CPM: variants seen among roughly 807,000 people sequenced by gnomAD.
CPM encodes the protein carboxypeptidase M, also known as renal carboxypeptidase.
A neutral mutation model predicts 46.4 loss-of-function variants in CPM; 35 were observed. The observed-to-expected ratio is 0.75, with a 90% CI of 0.58 to 1.00. The LOEUF (loss-of-function observed/expected upper bound fraction) is 1.00, where lower values mean the gene tolerates loss of function less well. Among genes scored for constraint, CPM ranks in the 50% least tolerant of loss-of-function variants. The pLI is 0.00. For synonymous variants in CPM, 195 were observed against 195.3 expected, an observed-to-expected ratio of 1.00 and a Z score of 0.01; for missense variants, 422 against 530.4, an observed-to-expected ratio of 0.80 and a Z score of 2.01.
rs367571708 is a variant in CPM, at chr12:68,901,349, C to T, written c.161-15460G>A. On this transcript the variant is annotated intron_variant, in intron 2 of 8. Transcript: ENST00000551568. ...TAGGAGCCAGAGAGGTCAGGTTGTTCACCTGAAAGGTGAGGCCACCTGGAG... is the reference window on the plus strand; with the variant it reads ...TAGGAGCCAGAGAGGTCAGGTTGTTTACCTGAAAGGTGAGGCCACCTGGAG... Among the ~76,000 whole-genome samples, 20 of 152,212 alleles carry T rather than the reference C, an allele frequency of 1.3e-4. 1 individual carries two copies. The East Asian group carries it at 1.7e-3, about 13-fold the overall frequency.
chr12:68,919,248 T>C (rs1438165892), intron 2 of CPM, among the ~76,000 whole-genome samples: 1 of 152,186 alleles, frequency 6.6e-6, no homozygotes, highest in Admixed American at 6.5e-5. Context: ...GAAAATACAG[T>C]GACAAGTAGG....
intron 1 of CPM, among the ~76,000 whole-genome samples, chr12:68,945,729 C>G (rs1427952904): frequency 6.6e-6 from 1 of 151,890 alleles, no homozygotes; most frequent in African/African-American, 2.4e-5. Context: ...CAGAACTGAT[C>G]TGAAGCCTTG....
rs7974965 is a variant in CPM at position 68,932,952 on chromosome 12, T to C, written c.-3-112A>G. On this transcript the variant is annotated intron_variant, in intron 1 of 8. Transcript: ENST00000551568. ...AGGGTCTCCCGACACTGACGCTCCC[T>C]GCCTCCTAAGGAGGCAAAAGCTGGA... 0.019 allele frequency: 18,656 copies of C among 981,108 alleles called. 1,274 individuals are homozygous for C. The African/African-American group carries it at 0.19, about 10-fold the overall frequency. The allele number at this position is 981,108 out of a possible 1,614,324, so 60.8% of individuals were successfully genotyped here. A position where few individuals can be genotyped will look rare whatever the true frequency, so the allele number is the denominator to read the frequency against.
intron 2 of CPM, among the ~76,000 whole-genome samples, chr12:68,927,352 T>C (rs1045642641): frequency 3.9e-5 from 6 of 152,032 alleles, no homozygotes; most frequent in African/African-American, 1.4e-4. Flanking sequence ...TTTGGCTGCA[T>C]AAATGTCTTC....
intron 6 of CPM, among the ~76,000 whole-genome samples, chr12:68,868,845 C>T (rs943846478): frequency 6.4e-4 from 98 of 152,142 alleles, no homozygotes; most frequent in Non-Finnish European, 1.0e-3. Flanking sequence ...CAATAATTAG[C>T]TAGATCTAGT....
At chr12:68,881,970 C>T (rs889902430) in intron 3 of CPM, among the ~76,000 whole-genome samples, 2 of 150,528 alleles carry the variant, frequency 1.3e-5, no homozygotes, top group Non-Finnish European at 2.9e-5. Flanking sequence ...GATCCACCCA[C>T]CTCAGCCTCC....
intron 1 of CPM, among the ~76,000 whole-genome samples, chr12:68,948,553 C>T (rs936609266): frequency 2.6e-5 from 4 of 152,062 alleles, no homozygotes; most frequent in Non-Finnish European, 1.5e-5. Flanking sequence ...GGAGGTCCCT[C>T]TACTCCATTT....
chr12:68,901,529 T>A (rs918726056), intron 2 of CPM, among the ~76,000 whole-genome samples: 1 of 152,176 alleles, frequency 6.6e-6, no homozygotes, highest in African/African-American at 2.4e-5. Flanking sequence ...ACCTCTCTAT[T>A]TGGAAAAAAA....
At chr12:68,930,318 G>A (rs1888448280) in intron 2 of CPM, among the ~76,000 whole-genome samples, 1 of 152,212 alleles carries the variant, frequency 6.6e-6, no homozygotes, top group Non-Finnish European at 1.5e-5. Flanking sequence ...CTGACCTCAG[G>A]TGATCCTCCC....
intron 1 of CPM, among the ~76,000 whole-genome samples, chr12:68,960,434 C>T (rs1046448811): frequency 6.6e-5 from 10 of 152,184 alleles, no homozygotes; most frequent in Non-Finnish European, 1.5e-4. Flanking sequence ...GCTCTAGCTT[C>T]CCTTTTAAAT....
intron 2 of CPM, among the ~76,000 whole-genome samples, chr12:68,893,878 T>C (rs1338932848): frequency 1.3e-5 from 2 of 152,230 alleles, no homozygotes; most frequent in South Asian, 2.1e-4. Flanking sequence ...CTGGGAACCA[T>C]GTCCCCTGCA....
intron 1 of CPM, among the ~76,000 whole-genome samples, chr12:68,946,866 A>C (rs533091898): frequency 6.6e-6 from 1 of 152,358 alleles, no homozygotes; most frequent in African/African-American, 2.4e-5. Flanking sequence ...AGTGTATTTT[A>C]CTCAGTTGTT....
chr12:68,963,253 C>T, exon 1 of CPM: 1 of 198,130 alleles, frequency 5.0e-6, no homozygotes, highest in South Asian at 1.1e-4. Context: ...CTCAGAGAGG[C>T]CAAGAAGAAT....
At chr12:68,918,612 T>C (rs201028612) in intron 2 of CPM, among the ~76,000 whole-genome samples, 6 of 151,698 alleles carry the variant, frequency 4.0e-5, no homozygotes, top group Non-Finnish European at 5.9e-5. Flanking sequence ...CAATCCAATC[T>C]AATCCAATCC....
intron 7 of CPM, among the ~76,000 whole-genome samples, chr12:68,862,337 C>T (rs769341841): frequency 1.4e-5 from 2 of 138,656 alleles, no homozygotes; most frequent in East Asian, 1.9e-4. Context: ...CGGGTTCAAG[C>T]GATTCTCCTG....
Position 68,854,389 on chromosome 12 carries a change from C to A in CPM, c.*2048G>T, listed in dbSNP as rs999471198. 4 of 152,200 alleles carry A rather than the reference C, an allele frequency of 2.6e-5. No homozygotes were observed. The highest frequency in any genetic ancestry group is 9.6e-5 in the African/African-American group (4 of 41,452). The allele number at this position is 152,200 out of a possible 1,614,324, so 9.4% of individuals were successfully genotyped here. A position where few individuals can be genotyped will look rare whatever the true frequency, so the allele number is the denominator to read the frequency against. On this transcript the variant is annotated 3_prime_UTR_variant, in exon 9 of 9. Transcript: ENST00000551568. ...TTGGCCTCAAAGAGCTCACATTCTA[C>A]TAGAGAAGGCACACATGGAGAAGAT...
chr12:68,905,875 T>G (rs2136284561), intron 2 of CPM, among the ~76,000 whole-genome samples: 1 of 152,142 alleles, frequency 6.6e-6, no homozygotes, highest in Non-Finnish European at 1.5e-5. Flanking sequence ...GTGTTTAGAG[T>G]AAAGACAGCT....
chr12:68,924,991 A>C (rs1888199859), intron 2 of CPM, among the ~76,000 whole-genome samples: 1 of 152,174 alleles, frequency 6.6e-6, no homozygotes, highest in African/African-American at 2.4e-5. Context: ...AGAGGAATTC[A>C]GTGAATGTCT....
intron 1 of CPM, among the ~76,000 whole-genome samples, chr12:68,962,604 C>A (rs1889140842): frequency 3.9e-5 from 6 of 152,204 alleles, no homozygotes; most frequent in Admixed American, 3.3e-4. Context: ...TGAACAGACT[C>A]CTCCTCTTGG....
Sources: gnomAD v4.1 joint callset for allele counts (sites outside exome capture counted in the v4.1 genomes callset) on GRCh38, gnomAD v4.1.1 for gene constraint, MANE v1.5 for transcripts, NCBI Gene and HGNC (gene_info 2026-07-23, HGNC 2026-07-21) for gene names.